The following GRIA4 variants were observed in gnomAD, a reference collection of about 807,000 sequenced individuals.
GRIA4 encodes glutamate receptor 4.
GRIA4 carries 34 observed loss-of-function variants against 104.0 expected under a neutral mutation model. That is an observed-to-expected ratio of 0.33 (90% CI 0.25 to 0.44). The LOEUF (loss-of-function observed/expected upper bound fraction) is 0.44. GRIA4 is among the 20% of genes least tolerant of loss of function. The probability of loss-of-function intolerance (pLI) is 1.00; values close to 1 mark genes in which losing one functional copy is unlikely to be tolerated. For synonymous variants in GRIA4, 386 were observed against 381.9 expected (o/e 1.01, Z -0.13); for missense variants, 750 against 1,096.5 (o/e 0.68, Z 4.46).
chr11:105,845,596 TC>T (rs1413528389), intron 4 of GRIA4, among the ~76,000 whole-genome samples: 1 of 152,072 alleles, frequency 6.6e-6, no homozygotes, highest in African/African-American at 2.4e-5. Context: ...AAAATACCTA[TC>T]CCAGGCCGGG....
Position 105,707,633 on chromosome 11 carries a change from G to A in GRIA4, c.248-45348G>A, listed in dbSNP as rs568990087. ...TAAGTTGATGTAGACATTATTAAAA[G>A]AACACTCTGAATTCTTGCAATGATA... On this transcript the variant is annotated intron_variant, in intron 3 of 16. Transcript: ENST00000282499. The A allele has an allele frequency of 2.0e-5, 3 of 152,176 alleles. No homozygotes were observed. The East Asian group carries it at 5.8e-4, about 29-fold the overall frequency. The allele number at this position is 152,176 out of a possible 1,614,324, so 9.4% of individuals were successfully genotyped here. A position where few individuals can be genotyped will look rare whatever the true frequency, so the allele number is the denominator to read the frequency against.
intron 3 of GRIA4, chr11:105,612,894 T>C (rs1342346025): frequency 6.5e-6 from 1 of 154,784 alleles, no homozygotes; most frequent in East Asian, 1.9e-4. Flanking sequence ...GGCTTGCTAA[T>C]AGTGAGAAAA....
chr11:105,924,829 G>A lies in GRIA4; in HGVS notation c.1847+60G>A, dbSNP rs543693231. 1.3e-5 allele frequency: 17 copies of A among 1,259,466 alleles called. No homozygotes were observed. In the South Asian group the frequency reaches 2.1e-4, roughly 16 times the overall value. 78.0% of individuals were successfully genotyped at this position (1,259,466 alleles called of 1,614,324 possible). ...TCCCAGTAATTCTAAATGTTGTGCA[G>A]ATTATCTCTCTACATGTTCTTTTCC... On this transcript the variant is annotated intron_variant, in intron 12 of 16. Transcript: ENST00000282499.
intron 3 of GRIA4, among the ~76,000 whole-genome samples, chr11:105,746,810 G>C (rs1436004833): frequency 2.6e-5 from 4 of 152,062 alleles, no homozygotes; most frequent in Non-Finnish European, 5.9e-5. Flanking sequence ...TAGACAACAG[G>C]AGCAGGTACT....
intron 3 of GRIA4, among the ~76,000 whole-genome samples, chr11:105,737,443 A>T (rs59135480): frequency 0.035 from 5,253 of 152,002 alleles, 207 homozygotes; most frequent in African/African-American, 0.091. Flanking sequence ...CTGTTCCAGG[A>T]TTTTTTGCAG....
chr11:105,698,626 G>T (rs1024924310), intron 3 of GRIA4, among the ~76,000 whole-genome samples: 1 of 152,140 alleles, frequency 6.6e-6, no homozygotes. Context: ...AAAACTTCTT[G>T]TATATAATCC....
At chr11:105,979,481 T>G in intron 16 of GRIA4, 94 bp from the exon 17 acceptor site, 3 of 1,098,504 alleles carry the variant, frequency 2.7e-6, no homozygotes, top group Non-Finnish European at 4.0e-6. Flanking sequence ...GTCTAATTAT[T>G]TATATTTCGG....
intron 2 of GRIA4, 26 bp from the exon 3 acceptor site, chr11:105,612,250 T>C (rs749684779): frequency 1.2e-6 from 2 of 1,611,094 alleles, no homozygotes; most frequent in Non-Finnish European, 1.7e-6. Flanking sequence ...AAACAGTGAA[T>C]GTGCTTTTCC....
intron 4 of GRIA4, among the ~76,000 whole-genome samples, chr11:105,798,349 G>A (rs1251923375): frequency 1.3e-5 from 2 of 152,148 alleles, no homozygotes; most frequent in Non-Finnish European, 2.9e-5. Flanking sequence ...AGATTGTTGG[G>A]CAGGAGGAAC....
intron 11 of GRIA4, among the ~76,000 whole-genome samples, chr11:105,919,329 C>T (rs565845289): frequency 3.3e-5 from 5 of 152,078 alleles, no homozygotes; most frequent in African/African-American, 1.2e-4. Context: ...TTATTTGTAC[C>T]TCCATTGTTT....
At chr11:105,835,098 CTG>C (rs1176779369) in intron 4 of GRIA4, among the ~76,000 whole-genome samples, 4 of 151,834 alleles carry the variant, frequency 2.6e-5, no homozygotes, top group African/African-American at 4.8e-5. Flanking sequence ...ATTCTTTATT[CTG>C]TGTTTCTTGT....
intron 14 of GRIA4, among the ~76,000 whole-genome samples, chr11:105,961,092 T>C (rs962748122): frequency 1.3e-5 from 2 of 152,222 alleles, no homozygotes; most frequent in African/African-American, 2.4e-5. Flanking sequence ...AGTTTTTAAT[T>C]CTATCATCAG....
At chr11:105,785,749 T>C (rs1214588158) in intron 4 of GRIA4, among the ~76,000 whole-genome samples, 2 of 152,276 alleles carry the variant, frequency 1.3e-5, no homozygotes, top group Admixed American at 6.5e-5. Flanking sequence ...TAAAATCAGG[T>C]AACTAAAACA....
chr11:105,620,535 T>C (rs764755871), intron 3 of GRIA4, among the ~76,000 whole-genome samples: 8 of 151,792 alleles, frequency 5.3e-5, no homozygotes, highest in Non-Finnish European at 1.2e-4. Flanking sequence ...CGGTTAACCT[T>C]TAATTCTGAT....
intron 14 of GRIA4, among the ~76,000 whole-genome samples, chr11:105,955,594 G>A (rs1435817762): frequency 6.6e-6 from 1 of 152,148 alleles, no homozygotes; most frequent in African/African-American, 2.4e-5. Context: ...GTGTGCATGT[G>A]TCTTTATAGT....
At chr11:105,820,002 G>A (rs1228155469) in intron 4 of GRIA4, among the ~76,000 whole-genome samples, 1 of 152,056 alleles carries the variant, frequency 6.6e-6, no homozygotes, top group African/African-American at 2.4e-5. Flanking sequence ...GGCAGAGGTT[G>A]AAGTTATACT....
At chr11:105,957,545 G>A (rs982205886) in intron 14 of GRIA4, among the ~76,000 whole-genome samples, 5 of 152,188 alleles carry the variant, frequency 3.3e-5, no homozygotes, top group African/African-American at 1.2e-4. Context: ...CAGGTAGTGT[G>A]ATGCCTCCAG....
At chr11:105,633,865 A>G (rs1176287839) in intron 3 of GRIA4, among the ~76,000 whole-genome samples, 1 of 152,188 alleles carries the variant, frequency 6.6e-6, no homozygotes, top group Non-Finnish European at 1.5e-5. Context: ...AGAAAGAACT[A>G]GAAATGACTT....
intron 3 of GRIA4, among the ~76,000 whole-genome samples, chr11:105,650,266 T>G (rs1168563673): frequency 6.6e-6 from 1 of 152,172 alleles, no homozygotes; most frequent in Non-Finnish European, 1.5e-5. Context: ...TTCATTTTTA[T>G]GTGGAGGCCT....
Sources: gnomAD v4.1 joint callset for allele counts (sites outside exome capture counted in the v4.1 genomes callset) on GRCh38, gnomAD v4.1.1 for gene constraint, MANE v1.5 for transcripts, NCBI Gene and HGNC (gene_info 2026-07-23, HGNC 2026-07-21) for gene names.